The following DSCAM variants were observed in gnomAD, a reference collection of about 807,000 sequenced individuals.
DSCAM encodes the protein DS cell adhesion molecule.
Under a neutral mutation model 217.7 loss-of-function variants are expected in DSCAM, and 47 were observed. The ratio of observed to expected loss-of-function variants is 0.22; its 90% CI spans 0.17 to 0.28. The LOEUF (loss-of-function observed/expected upper bound fraction) is 0.28. DSCAM is among the 10% of genes least tolerant of loss of function. The probability of loss-of-function intolerance (pLI) is 1.00; values close to 1 mark genes in which losing one functional copy is unlikely to be tolerated. For missense variants in DSCAM, 2,080 were observed against 2,618.3 expected (o/e 0.79, Z 4.49); for synonymous variants, 1,056 against 1,015.3 (o/e 1.04, Z -0.76).
At chr21:40,037,710 G>T (rs1446219180) in intron 32 of DSCAM, among the ~76,000 whole-genome samples, 7 of 147,296 alleles carry the variant, frequency 4.8e-5, no homozygotes, top group African/African-American at 1.5e-4. Context: ...CATTGCCAAG[G>T]CAATCCTAAG....
chr21:40,152,113 A>G (rs1439526243), intron 16 of DSCAM, among the ~76,000 whole-genome samples: 4 of 123,158 alleles, frequency 3.2e-5, no homozygotes, highest in Non-Finnish European at 6.2e-5. Flanking sequence ...ACGTAAGCAT[A>G]TGGAAAAAAA....
At chr21:40,281,529 G>T (rs558528411) in intron 10 of DSCAM, among the ~76,000 whole-genome samples, 24 of 152,130 alleles carry the variant, frequency 1.6e-4, no homozygotes, top group African/African-American at 5.8e-4. Context: ...TCGGACCAAA[G>T]GTGATGCATA....
At chr21:40,120,548 A>G (rs2837433) in intron 20 of DSCAM, among the ~76,000 whole-genome samples, 15,042 of 152,218 alleles carry the variant, frequency 0.099, 1,036 homozygotes, top group East Asian at 0.29. Flanking sequence ...ATTGCTTATA[A>G]TAGATTGTTT....
chr21:40,730,468 G>A (rs1242354639), intron 1 of DSCAM, among the ~76,000 whole-genome samples: 2 of 152,234 alleles, frequency 1.3e-5, no homozygotes, highest in Admixed American at 6.5e-5. Context: ...ATTTCCAAGA[G>A]AGAGTGTGAA....
intron 10 of DSCAM, among the ~76,000 whole-genome samples, chr21:40,282,836 T>A (rs1276252682): frequency 1.3e-5 from 2 of 152,186 alleles, no homozygotes; most frequent in African/African-American, 4.8e-5. Flanking sequence ...CAATGCTAAG[T>A]CGTCTCAATT....
rs202239716 is a variant in DSCAM at position 40,708,674 on chromosome 21, G to A, written c.141C>T (p.Pro47=). The part of the protein sequence containing the change: ...ASTTGTLVPC[P]AAGIPPVTLR... ...GAGTCACAGGAGGGATGCCTGCTGC[G>A]GGGCAGGGCACCAGAGTCCCCGTGG... The change falls in exon 2 of 33, where the codon CCC becomes CCT. Residue 47 remains proline (P), a synonymous_variant. Transcript: ENST00000400454. 26 of 1,612,988 alleles carry A rather than the reference G, an allele frequency of 1.6e-5. No homozygotes were observed. Among genetic ancestry groups the A allele is most frequent in the South Asian group, 1.5e-4 (14 of 90,646 alleles).
At chr21:40,542,254 C>T (rs2076548293) in intron 3 of DSCAM, among the ~76,000 whole-genome samples, 1 of 152,140 alleles carries the variant, frequency 6.6e-6, no homozygotes, top group Admixed American at 6.5e-5. Context: ...TGGGAATGAC[C>T]TATTCAACAT....
At chr21:40,737,653 C>A (rs1359366361) in intron 1 of DSCAM, among the ~76,000 whole-genome samples, 2 of 152,252 alleles carry the variant, frequency 1.3e-5, no homozygotes, top group East Asian at 3.9e-4. Flanking sequence ...AAACACTCAG[C>A]AACCTGTCTG....
chr21:40,143,768 G>A (rs2090321170), intron 17 of DSCAM, among the ~76,000 whole-genome samples: 1 of 152,150 alleles, frequency 6.6e-6, no homozygotes, highest in Non-Finnish European at 1.5e-5. Flanking sequence ...TCCAGCCTGG[G>A]AGAGAGAGCC....
intron 27 of DSCAM, among the ~76,000 whole-genome samples, chr21:40,067,239 T>C (rs184614472): frequency 6.6e-6 from 1 of 152,352 alleles, no homozygotes; most frequent in Admixed American, 6.5e-5. Flanking sequence ...CAGTTTCTAC[T>C]GAATGCATAT....
intron 1 of DSCAM, among the ~76,000 whole-genome samples, chr21:40,829,333 A>AAGT (rs1357169341): frequency 2.0e-5 from 3 of 152,176 alleles, no homozygotes; most frequent in Non-Finnish European, 4.4e-5. Context: ...GAAAGGTGTG[A>AAGT]AGTAGTCTTC....
chr21:40,690,325 C>T (rs2090525567), intron 3 of DSCAM, among the ~76,000 whole-genome samples: 1 of 152,120 alleles, frequency 6.6e-6, no homozygotes, highest in South Asian at 2.1e-4. Flanking sequence ...GCTTTGGGGC[C>T]TTGTTGTCAT....
chr21:40,046,013 G>T (rs766065253), intron 30 of DSCAM, among the ~76,000 whole-genome samples: 1 of 152,136 alleles, frequency 6.6e-6, no homozygotes. Flanking sequence ...TAGCTGTTAC[G>T]TGATAAAACT....
intron 18 of DSCAM, among the ~76,000 whole-genome samples, chr21:40,140,231 T>C (rs1601374418): frequency 6.6e-6 from 1 of 152,192 alleles, no homozygotes; most frequent in African/African-American, 2.4e-5. Flanking sequence ...CTTGCTTATC[T>C]TTCGGAAATG....
At chr21:40,178,777 G>A (rs550914995) in intron 15 of DSCAM, 150 bp downstream of exon 15, 8 of 901,200 alleles carry the variant, frequency 8.9e-6, no homozygotes, top group South Asian at 5.3e-5. Context: ...CGCTGTCTGC[G>A]TTTTTTATAG....
At chr21:40,256,444 C>G (rs1054536420) in intron 11 of DSCAM, among the ~76,000 whole-genome samples, 11 of 146,298 alleles carry the variant, frequency 7.5e-5, no homozygotes, top group African/African-American at 2.4e-4. Flanking sequence ...GAGAGACACA[C>G]ACAGACAGAC....
At chr21:40,720,461 T>C (rs1042604237) in intron 1 of DSCAM, among the ~76,000 whole-genome samples, 2 of 152,172 alleles carry the variant, frequency 1.3e-5, no homozygotes, top group African/African-American at 4.8e-5. Context: ...CCAAGTCAGG[T>C]TATTAAAATG....
intron 8 of DSCAM, among the ~76,000 whole-genome samples, chr21:40,322,035 A>G (rs1475930926): frequency 6.6e-6 from 1 of 152,130 alleles, no homozygotes; most frequent in Admixed American, 6.5e-5. Flanking sequence ...AGCCTACCCT[A>G]TGCCCAGAAT....
intron 3 of DSCAM, among the ~76,000 whole-genome samples, chr21:40,633,975 AG>A (rs2089723957): frequency 6.6e-6 from 1 of 152,204 alleles, no homozygotes. Flanking sequence ...GAGGACACAA[AG>A]GGTTTACTAT....
Sources: allele counts gnomAD v4.1 joint callset (sites outside exome capture counted in the v4.1 genomes callset), GRCh38; gene constraint gnomAD v4.1.1; transcripts MANE v1.5; gene names NCBI Gene and HGNC (gene_info 2026-07-23, HGNC 2026-07-21).